The following DNAH10 variants were observed in gnomAD, a reference collection of about 807,000 sequenced individuals.
The protein encoded by DNAH10 is axonemal beta dynein heavy chain 10.
DNAH10 carries 348 observed loss-of-function variants against 506.6 expected under a neutral mutation model. That is an observed-to-expected ratio of 0.69 (90% CI 0.63 to 0.75). DNAH10 has a LOEUF of 0.75. Among genes scored for constraint, DNAH10 ranks in the 30% least tolerant of loss-of-function variants. The pLI, the probability that DNAH10 is intolerant of heterozygous loss-of-function variation, is 0.00. For synonymous variants in DNAH10, 2,059 were observed against 2,198.6 expected, an observed-to-expected ratio of 0.94 and a Z score of 1.78; for missense variants, 5,179 against 5,787.1, an observed-to-expected ratio of 0.89 and a Z score of 3.41.
rs1959023676 is a variant in DNAH10, at chr12:123,813,491, CTAAT to C, written c.3476_3479del (p.Ile1159ArgfsTer25). 1 of 1,614,088 alleles carries C rather than the reference CTAAT, an allele frequency of 6.2e-7. No homozygotes were observed. Among genetic ancestry groups the C allele is most frequent in the African/African-American group, 1.3e-5 (1 of 74,930 alleles). ...AGCTTATGAGGTTATGCGCCACCCT[CTAAT>C]TAAGGATGAGCATTGCATCAGACTT... On this transcript the variant is annotated frameshift_variant, in exon 20 of 79. Coordinates refer to ENST00000673944, the MANE Select transcript of DNAH10 (RefSeq NM_001372106.1). LOFTEE classifies it high-confidence loss of function.
At chr12:123,890,252 T>G (rs1293005819) in intron 52 of DNAH10, among the ~76,000 whole-genome samples, 1 of 151,964 alleles carries the variant, frequency 6.6e-6, no homozygotes, top group Non-Finnish European at 1.5e-5. Context: ...ATTTATGGGT[T>G]TTTTAATTTT....
rs1442490379 is a variant in DNAH10, at chr12:123,907,816, G to A, written c.9816-1445G>A. On this transcript the variant is annotated intron_variant, in intron 57 of 78. Coordinates refer to ENST00000673944, the MANE Select transcript of DNAH10 (RefSeq NM_001372106.1). This position sits in a 1 kb window ranked among gnomAD's most constrained non-coding sequence, Gnocchi z 4.4. Reference sequence around the variant, plus strand: ...CCTTTTAAAGACACTTGACAGCCCCGCCGCTTTCCTAAGCAGCCAACACCA... The same window carrying A: ...CCTTTTAAAGACACTTGACAGCCCCACCGCTTTCCTAAGCAGCCAACACCA... Among the ~76,000 whole-genome samples the A allele has an allele frequency of 2.0e-5, 3 of 152,122 alleles. No individual in the cohort carries two copies. The highest frequency in any genetic ancestry group is 4.4e-5 in the Non-Finnish European group (3 of 68,000).
chr12:123,764,721 C>T (rs1160343531), intron 1 of DNAH10, among the ~76,000 whole-genome samples: 1 of 152,182 alleles, frequency 6.6e-6, no homozygotes, highest in African/African-American at 2.4e-5. Flanking sequence ...CCCACCCCGC[C>T]CCCTGACCCG....
At chr12:123,828,236 G>T (rs944279103) in intron 25 of DNAH10, among the ~76,000 whole-genome samples, 1 of 151,440 alleles carries the variant, frequency 6.6e-6, no homozygotes, top group South Asian at 2.1e-4. Context: ...AGAGACCTTC[G>T]CTCTAAGAAA....
Position 123,785,951 on chromosome 12 carries a change from C to A in DNAH10, c.1421+15C>A. The A allele has an allele frequency of 6.3e-7, 1 of 1,596,850 alleles. No homozygotes were observed. Among genetic ancestry groups the A allele is most frequent in the South Asian group, 1.1e-5 (1 of 90,584 alleles). On this transcript the variant is annotated intron_variant, in intron 9 of 78. Coordinates refer to ENST00000673944, the MANE Select transcript of DNAH10 (RefSeq NM_001372106.1). The surrounding 1 kb of genome is among the most constrained non-coding windows in gnomAD (Gnocchi z 4.1). The stretch of plus-strand genomic sequence containing the variant: ...ACTTTGTTCAAGTAAGAAGCCATGG[C>A]GTTCATTTTTTTGTTTTGTTTTGTT...
chr12:123,851,429 GT>G (rs932273349), intron 35 of DNAH10, among the ~76,000 whole-genome samples: 52 of 148,224 alleles, frequency 3.5e-4, no homozygotes, highest in Admixed American at 5.4e-4. Context: ...TTTGATTTTT[GT>G]TTTTTTTTTC....
In DNAH10 at chr12:123,813,432, C is replaced by T; in HGVS notation, c.3413C>T (p.Ala1138Val). The T allele has an allele frequency of 6.2e-7, 1 of 1,614,200 alleles. No individual in the cohort carries two copies. Among genetic ancestry groups the T allele is most frequent in the Non-Finnish European group, 8.5e-7 (1 of 1,180,026 alleles). The change falls in exon 20 of 79, where the codon GCA becomes GTA. Residue 1138 changes from alanine (A) to valine (V), a missense_variant. By Grantham distance (64) the Ala-to-Val change is moderately conservative (BLOSUM62 0). Around this residue, in one of 3 missense-constraint regions of DNAH10, gnomAD observed 4,844 missense variants for 5,430.5 expected, o/e 0.89. Coordinates refer to ENST00000673944, the MANE Select transcript of DNAH10 (RefSeq NM_001372106.1). Reference sequence around the variant, plus strand: ...GCTGCCAAGAAACCTCCTTGTGTAGCATATGATGAAAAGTTGCAGTTCTAT... The same window carrying T: ...GCTGCCAAGAAACCTCCTTGTGTAGTATATGATGAAAAGTTGCAGTTCTAT... ...KFAAKKPPCV[A>V]YDEKLQFYSK...
rs869303760 is a variant in DNAH10, at chr12:123,926,237, T to TA, written c.11922-382dup. Among the ~76,000 whole-genome samples the TA allele has an allele frequency of 6.5e-3, 699 of 108,330 alleles. 4 individuals carry two copies. Among genetic ancestry groups the TA allele is most frequent in the African/African-American group, 0.015 (463 of 30,866 alleles). The allele number at this position is 108,330 out of a possible 152,430, so 71.1% of individuals were successfully genotyped here. A position where few individuals can be genotyped will look rare whatever the true frequency, so the allele number is the denominator to read the frequency against. On this transcript the variant is annotated intron_variant, in intron 68 of 78. Coordinates refer to ENST00000673944, the MANE Select transcript of DNAH10 (RefSeq NM_001372106.1). The surrounding 1 kb of genome is among the most constrained non-coding windows in gnomAD (Gnocchi z 4.1). ...CAGAGTGAGATTATATATTTCAATT[T>TA]AAAAAAAAAAAAAAAAAAGAAAAAG...
At chr12:123,829,525 C>T (rs956921080) in intron 25 of DNAH10, among the ~76,000 whole-genome samples, 9 of 152,136 alleles carry the variant, frequency 5.9e-5, no homozygotes, top group Non-Finnish European at 1.3e-4. Flanking sequence ...GTGAGACCTT[C>T]AGCTTCATGG....
chr12:123,841,655 T>C (rs1950780443), intron 30 of DNAH10, 110 bp downstream of exon 30: 3 of 1,031,214 alleles, frequency 2.9e-6, no homozygotes, highest in Admixed American at 2.4e-5. Flanking sequence ...GGTTTTGTTT[T>C]TTTGCAATAG....
intron 19 of DNAH10, among the ~76,000 whole-genome samples, chr12:123,809,535 A>C (rs945637023): frequency 1.3e-5 from 2 of 152,030 alleles, no homozygotes; most frequent in Non-Finnish European, 2.9e-5. Flanking sequence ...CTGTGTTCCT[A>C]GCTACTTGGG....
At chr12:123,784,252 A>ATGT (rs1436469113) in intron 8 of DNAH10, 75 bp downstream of exon 8, 1 of 1,481,794 alleles carries the variant, frequency 6.7e-7, no homozygotes, top group Non-Finnish European at 9.3e-7. Context: ...CCTTTTAAAA[A>ATGT]TGTTCAGCAT....
At chr12:123,908,196 CT>C (rs1953893895) in intron 57 of DNAH10, 4 of 390,532 alleles carry the variant, frequency 1.0e-5, no homozygotes, top group Admixed American at 2.8e-5. Flanking sequence ...CTCCCTGTCT[CT>C]CTGTCCCCTC....
chr12:123,787,814 G>T lies in DNAH10; in HGVS notation c.1432G>T (p.Ala478Ser), dbSNP rs1341345239. ...CTCTTGGCTTCGCAGAGAAAATCGAGCGAGTGCCCAAAGCAAAACCTTGGA... is the reference window on the plus strand; with the variant it reads ...CTCTTGGCTTCGCAGAGAAAATCGATCGAGTGCCCAAAGCAAAACCTTGGA... ...NLRTLFKENR[A>S]SAQSKTLEAR... Residue 478 changes from alanine to serine, a missense_variant, in exon 10 of 79, where the codon GCG becomes TCG. Around this residue, in one of 3 missense-constraint regions of DNAH10, gnomAD observed 4,844 missense variants for 5,430.5 expected, o/e 0.89. Transcript: ENST00000673944. This position sits in a 1 kb window ranked among gnomAD's most constrained non-coding sequence, Gnocchi z 4.6. 1 of 1,613,832 alleles carries T rather than the reference G, an allele frequency of 6.2e-7. No individual in the cohort carries two copies. The highest frequency in any genetic ancestry group is 1.3e-5 in the African/African-American group (1 of 75,062).
intron 6 of DNAH10, among the ~76,000 whole-genome samples, chr12:123,782,411 C>CTTTTTTTTT (rs935250437): frequency 3.5e-5 from 3 of 86,048 alleles, no homozygotes; most frequent in Non-Finnish European, 6.3e-5. Flanking sequence ...TTCTTTCTTT[C>CTTTTTTTTT]TTTTTTTTTT....
At chr12:123,778,923 G>A (rs1247047122) in intron 5 of DNAH10, among the ~76,000 whole-genome samples, 11 of 150,328 alleles carry the variant, frequency 7.3e-5, no homozygotes, top group Admixed American at 1.3e-4. Flanking sequence ...TTTTTGAGGC[G>A]GAGTCTCACT....
intron 57 of DNAH10, among the ~76,000 whole-genome samples, chr12:123,905,925 C>CA (rs1469308490): frequency 2.7e-5 from 4 of 146,736 alleles, no homozygotes; most frequent in Non-Finnish European, 6.0e-5. Context: ...TATTTTGTGG[C>CA]TTTTTTTTTT....
intron 1 of DNAH10, 70 bp from the exon 2 acceptor site, chr12:123,767,534 CAA>C: frequency 6.9e-7 from 1 of 1,454,028 alleles, no homozygotes; most frequent in African/African-American, 1.4e-5. Context: ...CCACAGAAAG[CAA>C]AGATATCAGG....
At chr12:123,813,071 A>G (rs760570239) in intron 19 of DNAH10, 93 bp from the exon 20 acceptor site, 3 of 831,844 alleles carry the variant, frequency 3.6e-6, no homozygotes, top group Non-Finnish European at 5.6e-6. Context: ...ATTTTCCATT[A>G]CTGGCAAGAC....
Sources: gnomAD v4.1 joint callset for allele counts (sites outside exome capture counted in the v4.1 genomes callset) on GRCh38, gnomAD v4.1.1 for gene constraint, gnomAD v4.1.1 regional missense constraint, Gnocchi (gnomAD v3.1) non-coding constraint, MANE v1.5 for transcripts, NCBI Gene and HGNC (gene_info 2026-07-23, HGNC 2026-07-21) for gene names.